Variants in FMN1 observed in about 807,000 individuals in gnomAD.
FMN1 encodes the protein formin-1.
Under a neutral mutation model 132.4 loss-of-function variants are expected in FMN1, and 110 were observed. The ratio of observed to expected loss-of-function variants is 0.83; its 90% confidence interval spans 0.71 to 0.97. The LOEUF (loss-of-function observed/expected upper bound fraction) is 0.97, where lower values mean the gene tolerates loss of function less well. FMN1 is among the 50% of genes least tolerant of loss of function. The pLI is 0.00. For missense variants in FMN1, 1,792 were observed against 1,705.3 expected (o/e 1.05, Z -0.90); for synonymous variants, 722 against 651.7 (o/e 1.11, Z -1.64).
chr15:32,853,522 G>A (rs2059056806), intron 17 of FMN1, among the ~76,000 whole-genome samples: 1 of 152,202 alleles, frequency 6.6e-6, no homozygotes, highest in South Asian at 2.1e-4. Flanking sequence ...ATGGTGAATA[G>A]TGCCTATCTG....
intron 4 of FMN1, among the ~76,000 whole-genome samples, chr15:33,096,058 A>G (rs1473774338): frequency 6.6e-6 from 1 of 152,150 alleles, no homozygotes; most frequent in Non-Finnish European, 1.5e-5. Context: ...ACACAATACA[A>G]TTAAGAGACT....
intron 7 of FMN1, among the ~76,000 whole-genome samples, chr15:32,980,215 G>A (rs1005435900): frequency 6.6e-6 from 1 of 151,374 alleles, no homozygotes; most frequent in African/African-American, 2.4e-5. Context: ...ATGCCAGAAA[G>A]GGATCACAAA....
chr15:33,033,212 A>G (rs2036025516), intron 6 of FMN1, among the ~76,000 whole-genome samples: 2 of 152,014 alleles, frequency 1.3e-5, no homozygotes, highest in African/African-American at 4.8e-5. Context: ...TTGTATTTTT[A>G]GTAGAGACGG....
intron 9 of FMN1, among the ~76,000 whole-genome samples, chr15:32,938,070 A>G (rs1253683213): frequency 6.6e-6 from 1 of 152,098 alleles, no homozygotes; most frequent in Non-Finnish European, 1.5e-5. Context: ...AGACTATAGG[A>G]GAGAAAAAGT....
chr15:32,910,520 T>C lies in FMN1; in HGVS notation c.3242A>G (p.Asp1081Gly). Residue 1081 changes from aspartate (D) to glycine (G), a missense_variant, in exon 11 of 21, where the codon GAT becomes GGT. Physicochemically the swap from Asp to Gly is moderately conservative, Grantham distance 94. Transcript: ENST00000616417. ...KDIQQAIFNV[D>G]DSVVDLETLA... ...GGTCTCCAGATCAACCACGGAGTCA[T>C]CCACATTGAAAATGGCTGCCAAGCA... 1 of 1,574,752 alleles carries C rather than the reference T, an allele frequency of 6.4e-7. No homozygotes were observed. Among genetic ancestry groups the C allele is most frequent in the Non-Finnish European group, 8.6e-7 (1 of 1,159,452 alleles).
At chr15:33,037,514 G>A (rs1014565491) in intron 6 of FMN1, among the ~76,000 whole-genome samples, 1 of 152,114 alleles carries the variant, frequency 6.6e-6, no homozygotes, top group African/African-American at 2.4e-5. Context: ...TGAGGGAACT[G>A]GCTGTGTCCT....
At chr15:33,071,051 C>T (rs1490798149) in intron 5 of FMN1, among the ~76,000 whole-genome samples, 2 of 152,186 alleles carry the variant, frequency 1.3e-5, no homozygotes, top group Non-Finnish European at 2.9e-5. Flanking sequence ...AGACCACACA[C>T]AGCGAGGTGC....
intron 3 of FMN1, among the ~76,000 whole-genome samples, chr15:33,171,346 C>G (rs1402194685): frequency 6.6e-6 from 1 of 152,072 alleles, no homozygotes; most frequent in Non-Finnish European, 1.5e-5. Context: ...TTCCAAATAG[C>G]TAGAAGAGAA....
chr15:33,119,904 A>G (rs1962393415), intron 4 of FMN1, among the ~76,000 whole-genome samples: 1 of 152,160 alleles, frequency 6.6e-6, no homozygotes, highest in Non-Finnish European at 1.5e-5. Flanking sequence ...TCTTAATGAG[A>G]CTTTGTGTTT....
chr15:32,960,475 TA>T (rs2030388361), intron 9 of FMN1, among the ~76,000 whole-genome samples: 1 of 152,200 alleles, frequency 6.6e-6, no homozygotes, highest in South Asian at 2.1e-4. Context: ...AATTTTCCTT[TA>T]ATACTTCTTT....
chr15:33,057,236 C>T (rs922730684), intron 6 of FMN1, among the ~76,000 whole-genome samples: 1 of 152,054 alleles, frequency 6.6e-6, no homozygotes, highest in African/African-American at 2.4e-5. Flanking sequence ...TTTTCTTTGA[C>T]GGAAAGGGAA....
chr15:32,894,718 T>C (rs2060112878), intron 15 of FMN1, among the ~76,000 whole-genome samples: 1 of 152,076 alleles, frequency 6.6e-6, no homozygotes, highest in African/African-American at 2.4e-5. Flanking sequence ...CACTACATCT[T>C]TTTTCCTGTT....
At position 32,865,534 on chromosome 15, in the gene FMN1, C is replaced by T. The variant is rs1419037901; in HGVS notation, c.3836-8427G>A. Among the ~76,000 whole-genome samples, 5 of 152,190 alleles carry T rather than the reference C, an allele frequency of 3.3e-5. No individual in the cohort carries two copies. The South Asian group carries it at 6.2e-4, about 19-fold the overall frequency. On this transcript the variant is annotated intron_variant, in intron 16 of 20. Transcript: ENST00000616417. ...TCAATCTTCAAAAAGTAGCAACAAACGTTATTAAAATAAAAGACCTGGCCG... is the reference window on the plus strand; with the variant it reads ...TCAATCTTCAAAAAGTAGCAACAAATGTTATTAAAATAAAAGACCTGGCCG...
At chr15:32,946,893 A>G (rs549250279) in intron 9 of FMN1, among the ~76,000 whole-genome samples, 1 of 152,292 alleles carries the variant, frequency 6.6e-6, no homozygotes, top group South Asian at 2.1e-4. Flanking sequence ...ACAATCAGGT[A>G]GCATAGTTTC....
At chr15:32,788,033 T>G (rs142447877) in intron 19 of FMN1, among the ~76,000 whole-genome samples, 1 of 125,714 alleles carries the variant, frequency 8.0e-6, no homozygotes, top group Non-Finnish European at 1.7e-5. Context: ...AGCCACTTCA[T>G]AGTTTTTGTG....
intron 7 of FMN1, among the ~76,000 whole-genome samples, chr15:33,004,851 T>C (rs897529505): frequency 6.6e-6 from 1 of 152,192 alleles, no homozygotes; most frequent in African/African-American, 2.4e-5. Flanking sequence ...TGGAATACTA[T>C]GCAGCCATAA....
Position 33,084,686 on chromosome 15 carries a change from CTAG to C in FMN1, c.2043+4110_2043+4112del, listed in dbSNP as rs199954527. Among the ~76,000 whole-genome samples, 4 of 152,058 alleles carry C rather than the reference CTAG, an allele frequency of 2.6e-5. No individual in the cohort carries two copies. The East Asian group carries it at 7.7e-4, about 29-fold the overall frequency. On this transcript the variant is annotated intron_variant, in intron 5 of 20. Coordinates refer to ENST00000616417, the MANE Select transcript of FMN1 (RefSeq NM_001277313.2). Reference sequence around the variant, plus strand: ...TTAAATAGATGCCCCCAGAGTCTTCCTAGTGCTTGTCCTACACCAACCCCACCT... The same window carrying C: ...TTAAATAGATGCCCCCAGAGTCTTCCTGCTTGTCCTACACCAACCCCACCT...
chr15:32,863,410 G>T (rs980859395), intron 16 of FMN1, among the ~76,000 whole-genome samples: 1 of 152,008 alleles, frequency 6.6e-6, no homozygotes, highest in Admixed American at 6.6e-5. Context: ...CTCCAGCCTG[G>T]GCGACAGAGC....
At chr15:33,176,605 C>A (rs1038600242) in intron 3 of FMN1, among the ~76,000 whole-genome samples, 10 of 151,744 alleles carry the variant, frequency 6.6e-5, no homozygotes, top group African/African-American at 2.4e-4. Flanking sequence ...TCTTTAAGCA[C>A]CTCTAACCAG....
Sources: allele counts gnomAD v4.1 joint callset (sites outside exome capture counted in the v4.1 genomes callset), GRCh38; gene constraint gnomAD v4.1.1; transcripts MANE v1.5; gene names NCBI Gene and HGNC (gene_info 2026-07-23, HGNC 2026-07-21).